TBX20: variants seen among roughly 807,000 people sequenced by gnomAD.
The protein encoded by TBX20 is T-box transcription factor TBX20.
TBX20 carries 8 observed loss-of-function variants against 42.9 expected under a neutral mutation model. The ratio of observed to expected loss-of-function variants is 0.19; its 90% CI spans 0.11 to 0.34. The LOEUF (loss-of-function observed/expected upper bound fraction) is 0.34. Ranked by LOEUF, TBX20 falls within the 10% of genes least tolerant of loss-of-function variation. The pLI is 1.00. For synonymous variants in TBX20, 198 were observed against 222.8 expected (o/e 0.89, Z 0.99); for missense variants, 411 against 566.0 (o/e 0.73, Z 2.78).
chr7:35,240,022 T>G (rs1790044693), intron 5 of TBX20, among the ~76,000 whole-genome samples: 1 of 152,182 alleles, frequency 6.6e-6, no homozygotes, highest in African/African-American at 2.4e-5. Flanking sequence ...AGTGCTGGGA[T>G]TACAGGCATG....
At chr7:35,236,046 A>G (rs1789958774) in intron 5 of TBX20, among the ~76,000 whole-genome samples, 1 of 152,166 alleles carries the variant, frequency 6.6e-6, no homozygotes, top group South Asian at 2.1e-4. Context: ...TGAAAGTGTA[A>G]TGTATTTAGC....
rs1429397369 is a variant in TBX20, at chr7:35,249,982, C to T, written c.349G>A (p.Gly117Ser). 1.9e-6 allele frequency: 3 copies of T among 1,611,090 alleles called. No individual in the cohort carries two copies. The highest frequency in any genetic ancestry group is 1.1e-5 in the South Asian group (1 of 90,642). ...KELWDKFHEL[G>S]TEMIITKSGR... ...GACTTGGTGATGATCATCTCGGTGCCCAGCTCATGGAATTTGTCCCAAAGC... is the reference window on the plus strand; with the variant it reads ...GACTTGGTGATGATCATCTCGGTGCTCAGCTCATGGAATTTGTCCCAAAGC... Residue 117 changes from glycine to serine, a missense_variant, in exon 2 of 8, where the codon GGC (glycine) becomes AGC (serine). Gly to Ser is a moderately conservative substitution (Grantham distance 56). Transcript: ENST00000408931. The surrounding 1 kb of genome is among the most constrained non-coding windows in gnomAD (Gnocchi z 4.3).
intron 6 of TBX20, among the ~76,000 whole-genome samples, chr7:35,213,070 C>G (rs1789524849): frequency 6.6e-6 from 1 of 152,186 alleles, no homozygotes; most frequent in African/African-American, 2.4e-5. Flanking sequence ...GTCTATACCC[C>G]CTCAGGAAAT....
chr7:35,248,171 C>T (rs574959574), intron 3 of TBX20, among the ~76,000 whole-genome samples: 3 of 152,140 alleles, frequency 2.0e-5, no homozygotes, highest in South Asian at 4.1e-4. Context: ...AATCTCTGAA[C>T]CTTTATTGGT....
At chr7:35,210,514 T>C (rs1789478662) in intron 6 of TBX20, among the ~76,000 whole-genome samples, 1 of 152,200 alleles carries the variant, frequency 6.6e-6, no homozygotes, top group Non-Finnish European at 1.5e-5. Flanking sequence ...CTACTTGCTC[T>C]ATCAATTATT....
intron 6 of TBX20, among the ~76,000 whole-genome samples, chr7:35,215,178 G>A (rs191780167): frequency 6.6e-6 from 1 of 152,278 alleles, no homozygotes; most frequent in East Asian, 1.9e-4. Context: ...ACTTACGCTA[G>A]TCTCTAGGAG....
chr7:35,217,281 T>C (rs1204898123), intron 6 of TBX20, among the ~76,000 whole-genome samples: 2 of 152,204 alleles, frequency 1.3e-5, no homozygotes, highest in South Asian at 4.1e-4. Flanking sequence ...AAAACTATTA[T>C]GCTTAGTTTT....
intron 5 of TBX20, among the ~76,000 whole-genome samples, chr7:35,238,913 A>T (rs1184164013): frequency 6.6e-6 from 1 of 151,806 alleles, no homozygotes; most frequent in Non-Finnish European, 1.5e-5. Context: ...AAATGGTGAC[A>T]AATTCTTTTT....
At chr7:35,226,942 G>C (rs1222690946) in intron 6 of TBX20, among the ~76,000 whole-genome samples, 1 of 152,028 alleles carries the variant, frequency 6.6e-6, no homozygotes, top group Non-Finnish European at 1.5e-5. Context: ...ATCATTACAG[G>C]AGATGTGTGT....
intron 4 of TBX20, among the ~76,000 whole-genome samples, chr7:35,241,878 A>G (rs1790089511): frequency 6.6e-6 from 1 of 152,210 alleles, no homozygotes; most frequent in Non-Finnish European, 1.5e-5. Context: ...AATCAGGGCA[A>G]TAAAATTCAA....
chr7:35,244,935 G>C lies in TBX20; in HGVS notation c.654+14C>G. Reference sequence around the variant, plus strand: ...ACCTCAGGGAACCTGCACAGTCCAAGGCATGGTACTTACATGGCCATGTTG... The same window carrying C: ...ACCTCAGGGAACCTGCACAGTCCAACGCATGGTACTTACATGGCCATGTTG... On this transcript the variant is annotated intron_variant, in intron 4 of 7. Coordinates refer to ENST00000408931, the MANE Select transcript of TBX20 (RefSeq NM_001077653.2). 6.3e-7 allele frequency: 1 copy of C among 1,592,242 alleles called. No homozygotes were observed.
intron 5 of TBX20, among the ~76,000 whole-genome samples, chr7:35,234,158 A>C (rs1462397623): frequency 6.6e-6 from 1 of 152,238 alleles, no homozygotes; most frequent in Non-Finnish European, 1.5e-5. Flanking sequence ...TTTTACAGCC[A>C]TCTCTCTAAG....
chr7:35,225,845 A>T (rs1162104915), intron 6 of TBX20, among the ~76,000 whole-genome samples: 1 of 152,228 alleles, frequency 6.6e-6, no homozygotes, highest in Non-Finnish European at 1.5e-5. Context: ...AACTTTTAAA[A>T]TGACAAGTAA....
intron 7 of TBX20, among the ~76,000 whole-genome samples, chr7:35,203,044 A>ACCCT (rs1332363852): frequency 6.6e-6 from 1 of 152,070 alleles, no homozygotes; most frequent in Non-Finnish European, 1.5e-5. Context: ...AAACATTAAT[A>ACCCT]CCCTGCCTGC....
intron 6 of TBX20, among the ~76,000 whole-genome samples, chr7:35,211,194 TCAAA>T (rs1361237511): frequency 6.6e-6 from 1 of 152,072 alleles, no homozygotes; most frequent in African/African-American, 2.4e-5. Flanking sequence ...GCCATTCTTG[TCAAA>T]CATTTTATTT....
chr7:35,242,932 T>G (rs1264661740), intron 4 of TBX20, among the ~76,000 whole-genome samples: 1 of 152,218 alleles, frequency 6.6e-6, no homozygotes, highest in African/African-American at 2.4e-5. Flanking sequence ...TTTCCTTGTA[T>G]TAATAGGTTT....
chr7:35,238,244 T>C (rs1309103642), intron 5 of TBX20, among the ~76,000 whole-genome samples: 3 of 152,200 alleles, frequency 2.0e-5, no homozygotes, highest in Non-Finnish European at 4.4e-5. Context: ...AATAAGACCC[T>C]CCTATGATAT....
At chr7:35,204,204 C>T (rs1354444237) in intron 7 of TBX20, among the ~76,000 whole-genome samples, 1 of 152,016 alleles carries the variant, frequency 6.6e-6, no homozygotes, top group African/African-American at 2.4e-5. Flanking sequence ...ACTCCTGATC[C>T]CTGACTCAAA....
chr7:35,240,652 G>T (rs1562565322), intron 5 of TBX20, among the ~76,000 whole-genome samples: 1 of 152,162 alleles, frequency 6.6e-6, no homozygotes, highest in Non-Finnish European at 1.5e-5. Flanking sequence ...TGTGGGTGGG[G>T]AAGTGGGCAG....
Sources: allele counts gnomAD v4.1 joint callset (sites outside exome capture counted in the v4.1 genomes callset), GRCh38; gene constraint gnomAD v4.1.1; non-coding constraint Gnocchi (gnomAD v3.1); transcripts MANE v1.5; gene names NCBI Gene and HGNC (gene_info 2026-07-23, HGNC 2026-07-21).